RGS22: variants seen among roughly 807,000 people sequenced by gnomAD.
RGS22 encodes the protein regulator of G protein signaling 22, also known as regulator of G-protein signaling 22.
Under a neutral mutation model 172.9 loss-of-function variants are expected in RGS22, and 148 were observed. That is an observed-to-expected ratio of 0.86 (90% CI 0.75 to 0.98). RGS22 has a LOEUF of 0.98. Ranked by LOEUF, RGS22 falls within the 50% of genes least tolerant of loss-of-function variation. The pLI, the probability that RGS22 is intolerant of heterozygous loss-of-function variation, is 0.00. For synonymous variants in RGS22, 458 were observed against 480.2 expected, an observed-to-expected ratio of 0.95 and a Z score of 0.60; for missense variants, 1,347 against 1,440.8, an observed-to-expected ratio of 0.93 and a Z score of 1.05.
chr8:99,969,440 C>CTGGCAAAT (rs1480221306), intron 23 of RGS22, among the ~76,000 whole-genome samples: 1 of 152,092 alleles, frequency 6.6e-6, no homozygotes, highest in Non-Finnish European at 1.5e-5. Context: ...AAGACACAAA[C>CTGGCAAAT]TGGCAAATTG....
chr8:100,051,455 AT>A (rs1239188655), intron 10 of RGS22, among the ~76,000 whole-genome samples: 23 of 112,948 alleles, frequency 2.0e-4, no homozygotes, highest in Non-Finnish European at 3.6e-4. Context: ...TTTATATTAT[AT>A]TATATATAAA....
In RGS22 at chr8:100,080,355, T is replaced by C; in HGVS notation, c.118A>G (p.Thr40Ala). ...TTAAATCTAATTGCCTCTGAAAAGGTCTGCAATATAAATTTGTGGAAATTA... is the reference window on the plus strand; with the variant it reads ...TTAAATCTAATTGCCTCTGAAAAGGCCTGCAATATAAATTTGTGGAAATTA... Reference protein sequence around the residue: ...DYFNEFLSLPTFSEAIRFNAD... With the variant: ...DYFNEFLSLPAFSEAIRFNAD... The change falls in exon 4 of 28, where the codon ACC becomes GCC. Residue 40 changes from threonine (T) to alanine (A), a missense_variant and splice_region_variant. Transcript: ENST00000360863. The C allele has an allele frequency of 6.3e-7, 1 of 1,597,876 alleles. No homozygotes were observed. Among genetic ancestry groups the C allele is most frequent in the Non-Finnish European group, 8.5e-7 (1 of 1,171,194 alleles).
chr8:100,017,066 T>C (rs1018981635), intron 14 of RGS22, among the ~76,000 whole-genome samples: 1 of 140,948 alleles, frequency 7.1e-6, no homozygotes, highest in Non-Finnish European at 1.5e-5. Flanking sequence ...GGTGTGATCT[T>C]GGCTCACTGA....
rs1394513851 is a variant in RGS22 at position 100,071,483 on chromosome 8, T to TGTGAAATTCATGCC, written c.466_479dup (p.Val161AlafsTer2). The stretch of plus-strand genomic sequence containing the variant: ...TCCAGGGAGAAAAATTTGATCCTAC[T>TGTGAAATTCATGCC]GTGAAATTCATGCCGGACTTGCTCC... On this transcript the variant is annotated stop_gained and frameshift_variant, in exon 6 of 28. Transcript: ENST00000360863. LOFTEE classifies it high-confidence loss of function. The TGTGAAATTCATGCC allele has an allele frequency of 2.5e-6, 4 of 1,612,956 alleles. No homozygotes were observed. Among genetic ancestry groups the TGTGAAATTCATGCC allele is most frequent in the Non-Finnish European group, 3.4e-6 (4 of 1,179,376 alleles).
intron 12 of RGS22, among the ~76,000 whole-genome samples, chr8:100,040,512 G>A (rs1000667635): frequency 4.6e-5 from 7 of 152,026 alleles, no homozygotes; most frequent in African/African-American, 1.7e-4. Context: ...AAGGCCTCTC[G>A]GTGCTGCTCA....
intron 10 of RGS22, among the ~76,000 whole-genome samples, chr8:100,049,531 C>G (rs1215041035): frequency 6.6e-6 from 1 of 152,186 alleles, no homozygotes; most frequent in Non-Finnish European, 1.5e-5. Flanking sequence ...TGGCATTGTT[C>G]TCTTATTCGA....
In RGS22 at chr8:100,047,512, G is replaced by A. The variant is rs766770784; in HGVS notation, c.1774C>T (p.Arg592Trp). Residue 592 changes from arginine (R) to tryptophan (W), a missense_variant, in exon 11 of 28, where the codon CGG becomes TGG. Physicochemically the swap from Arg to Trp is moderately radical, Grantham distance 101. Coordinates refer to ENST00000360863, the MANE Select transcript of RGS22 (RefSeq NM_015668.5). The part of the protein sequence containing the change: ...VKTATQKPWK[R>W]ELLYPGSSKD... ...GAAGAACCTGGATACAAAAGCTCCC[G>A]CTTCCAAGGCTTTTGAGTTGCTGTT... The A allele has an allele frequency of 1.7e-5, 28 of 1,612,134 alleles. No individual in the cohort carries two copies. Among genetic ancestry groups the A allele is most frequent in the Admixed American group, 6.7e-5 (4 of 59,744 alleles).
chr8:100,019,406 T>C lies in RGS22; in HGVS notation c.2167-10837A>G, dbSNP rs143880793. 1.5e-4 allele frequency among the ~76,000 whole-genome samples: 23 copies of C among 152,348 alleles called. No individual in the cohort carries two copies. In the East Asian group the frequency reaches 3.9e-3, roughly 26 times the overall value. Reference sequence around the variant, plus strand: ...ATCATGTGTATGTATCTTGCTATGATTGCCTGGTAACACTGATTACCTGAT... The same window carrying C: ...ATCATGTGTATGTATCTTGCTATGACTGCCTGGTAACACTGATTACCTGAT... On this transcript the variant is annotated intron_variant, in intron 14 of 27. Transcript: ENST00000360863.
chr8:100,027,277 G>C (rs990472345), intron 14 of RGS22, among the ~76,000 whole-genome samples: 1 of 151,928 alleles, frequency 6.6e-6, no homozygotes, highest in Non-Finnish European at 1.5e-5. Context: ...TTTTAAATAC[G>C]ACTGAAGTGC....
chr8:100,016,538 G>A (rs570997747), intron 14 of RGS22, among the ~76,000 whole-genome samples: 1 of 152,238 alleles, frequency 6.6e-6, no homozygotes, highest in East Asian at 1.9e-4. Context: ...AGCACTTTGG[G>A]AGGCTGAGGC....
intron 11 of RGS22, chr8:100,042,576 T>G (rs1322600953): frequency 6.6e-6 from 1 of 152,186 alleles, no homozygotes; most frequent in Non-Finnish European, 1.5e-5. Context: ...GGATATTATC[T>G]TTTTCTATTT....
At chr8:99,998,838 T>C (rs1327819959) in intron 19 of RGS22, among the ~76,000 whole-genome samples, 1 of 151,914 alleles carries the variant, frequency 6.6e-6, no homozygotes, top group Non-Finnish European at 1.5e-5. Context: ...GCTGACTCCA[T>C]ACTTCAAACC....
chr8:100,098,218 T>C (rs1204816797), intron 2 of RGS22, among the ~76,000 whole-genome samples: 3 of 152,238 alleles, frequency 2.0e-5, no homozygotes, highest in Non-Finnish European at 2.9e-5. Flanking sequence ...CTATTTATTC[T>C]TTTAATTTCT....
chr8:100,008,584 GGAAGAAGGGA>G lies in RGS22; in HGVS notation c.2167-25_2167-16del. ...GCAAAAAGATACTGAAGGAGAAGAGGGAAGAAGGGAGAAGATGTTAAGAGAAGCCACAATG... is the reference window on the plus strand; with the variant it reads ...GCAAAAAGATACTGAAGGAGAAGAGGGAAGATGTTAAGAGAAGCCACAATG... On this transcript the variant is annotated splice_polypyrimidine_tract_variant and intron_variant, in intron 14 of 27. Coordinates refer to ENST00000360863, the MANE Select transcript of RGS22 (RefSeq NM_015668.5). 2 of 1,591,326 alleles carry G rather than the reference GGAAGAAGGGA, an allele frequency of 1.3e-6. No homozygotes were observed. The highest frequency in any genetic ancestry group is 1.7e-6 in the Non-Finnish European group (2 of 1,168,388).
chr8:100,099,203 T>C (rs3133663), intron 2 of RGS22, among the ~76,000 whole-genome samples: 24,929 of 152,008 alleles, frequency 0.16, 2,749 homozygotes, highest in African/African-American at 0.31. Context: ...TGTGAGCCAT[T>C]GCGCCTGGCC....
In RGS22 at chr8:100,066,310, A is replaced by T. The variant is rs1479446909; in HGVS notation, c.595-14T>A. 4 of 1,609,440 alleles carry T rather than the reference A, an allele frequency of 2.5e-6. No individual in the cohort carries two copies. The highest frequency in any genetic ancestry group is 1.3e-5 in the African/African-American group (1 of 74,826). Reference sequence around the variant, plus strand: ...AGTATAGGAAGCCTAGGAAGAAGGGAGCATATTAGTTTAACATATGATTAG... The same window carrying T: ...AGTATAGGAAGCCTAGGAAGAAGGGTGCATATTAGTTTAACATATGATTAG... On this transcript the variant is annotated splice_polypyrimidine_tract_variant and intron_variant, in intron 6 of 27. Transcript: ENST00000360863.
chr8:100,065,579 A>G (rs532954256), intron 7 of RGS22, among the ~76,000 whole-genome samples: 280 of 152,264 alleles, frequency 1.8e-3, no homozygotes, highest in African/African-American at 6.6e-3. Flanking sequence ...TTCTCTAACA[A>G]TATCACTGTT....
rs372209638 is a variant in RGS22, at chr8:100,072,220, C to T, written c.350G>A (p.Arg117His). The T allele has an allele frequency of 2.3e-5, 36 of 1,580,720 alleles. No individual in the cohort carries two copies. Among genetic ancestry groups the T allele is most frequent in the South Asian group, 1.2e-4 (10 of 86,034 alleles). ...NVNYNIMCLS[R>H]EEGIKWIKKE... ...TTTGATCCACTTAATACCTTCTTCA[C>T]GACTGAGACACTATGAGAAGAAAGA... The change falls in exon 5 of 28, where the codon CGT (arginine) becomes CAT (histidine). Residue 117 changes from arginine to histidine, a missense_variant. Arg to His is a conservative substitution (Grantham distance 29). Coordinates refer to ENST00000360863, the MANE Select transcript of RGS22 (RefSeq NM_015668.5).
chr8:100,049,056 T>C (rs1024718016), intron 10 of RGS22, among the ~76,000 whole-genome samples: 1 of 152,220 alleles, frequency 6.6e-6, no homozygotes, highest in Non-Finnish European at 1.5e-5. Context: ...AGGCCTATAT[T>C]AGACTTTTTG....
Sources: allele counts gnomAD v4.1 joint callset (sites outside exome capture counted in the v4.1 genomes callset), GRCh38; gene constraint gnomAD v4.1.1; transcripts MANE v1.5; gene names NCBI Gene and HGNC (gene_info 2026-07-23, HGNC 2026-07-21).